The following BANP variants were observed in gnomAD, a reference collection of about 807,000 sequenced individuals.
The protein encoded by BANP is protein BANP.
A neutral mutation model predicts 68.1 loss-of-function variants in BANP; 11 were observed. That is an observed-to-expected ratio of 0.16 (90% confidence interval 0.10 to 0.27). BANP has a LOEUF of 0.27. Ranked by LOEUF, BANP falls within the 10% of genes least tolerant of loss-of-function variation. The probability of loss-of-function intolerance (pLI) is 1.00; values close to 1 mark genes in which losing one functional copy is unlikely to be tolerated. For synonymous variants in BANP, 329 were observed against 303.2 expected (o/e 1.09, Z -0.88); for missense variants, 504 against 722.7 (o/e 0.70, Z 3.47).
intron 4 of BANP, among the ~76,000 whole-genome samples, chr16:87,984,692 C>T (rs991047833): frequency 6.6e-6 from 1 of 152,230 alleles, no homozygotes; most frequent in African/African-American, 2.4e-5. Context: ...AAAGTAGAGT[C>T]TAATGAGTCT....
chr16:88,042,691 G>C (rs2081118154), intron 11 of BANP, among the ~76,000 whole-genome samples: 1 of 152,218 alleles, frequency 6.6e-6, no homozygotes. Flanking sequence ...GCTGAGGTGG[G>C]AGGATCGCTT....
At position 88,036,175 on chromosome 16, in the gene BANP, G is replaced by C. The variant is rs563774994; in HGVS notation, c.1272+781G>C. 6.6e-6 allele frequency among the ~76,000 whole-genome samples: 1 copy of C among 152,352 alleles called. No individual in the cohort carries two copies. Among genetic ancestry groups the C allele is most frequent in the East Asian group, 1.9e-4 (1 of 5,184 alleles). The stretch of plus-strand genomic sequence containing the variant: ...GCAGCACACACGTGTTGTACTCAGT[G>C]ACCGTGGTGCGCTCTGGGGGATGAG... On this transcript the variant is annotated intron_variant, in intron 10 of 13. Coordinates refer to ENST00000682872, the MANE Select transcript of BANP (RefSeq NM_001386991.1). This position sits in a 1 kb window ranked among gnomAD's most constrained non-coding sequence, Gnocchi z 4.2.
chr16:88,037,902 G>T, intron 10 of BANP, 71 bp from the exon 11 acceptor site: 2 of 1,471,700 alleles, frequency 1.4e-6, no homozygotes, highest in South Asian at 1.1e-5. Context: ...GTGTCTTGGC[G>T]TGTTTGCCGT....
chr16:87,966,444 A>C (rs1282394324), intron 1 of BANP, among the ~76,000 whole-genome samples: 1 of 152,242 alleles, frequency 6.6e-6, no homozygotes, highest in Non-Finnish European at 1.5e-5. Flanking sequence ...AATAGCAACC[A>C]CAGGCATTGC....
chr16:87,982,082 G>C (rs1275507084), intron 3 of BANP, among the ~76,000 whole-genome samples: 1 of 152,256 alleles, frequency 6.6e-6, no homozygotes, highest in African/African-American at 2.4e-5. Flanking sequence ...TAAATTGACT[G>C]TAAAATGCCT....
chr16:88,066,999 G>A (rs1389188840), intron 12 of BANP, among the ~76,000 whole-genome samples: 1 of 152,228 alleles, frequency 6.6e-6, no homozygotes, highest in Admixed American at 6.5e-5. Context: ...GAGGTACCAG[G>A]CAAATTATTT....
chr16:88,020,078 G>T (rs993063744), intron 7 of BANP, among the ~76,000 whole-genome samples: 5 of 152,196 alleles, frequency 3.3e-5, no homozygotes, highest in African/African-American at 9.7e-5. Context: ...GAGACCACAC[G>T]TGGGGCCTCC....
Position 88,004,719 on chromosome 16 carries a change from A to G in BANP, c.479+308A>G, listed in dbSNP as rs1330771975. 6.6e-6 allele frequency among the ~76,000 whole-genome samples: 1 copy of G among 152,016 alleles called. No individual in the cohort carries two copies. The highest frequency in any genetic ancestry group is 1.5e-5 in the Non-Finnish European group (1 of 67,998). ...AGTCTGTGAAAGCGTTCATCCTCCC[A>G]CCTAGCTCAGTGGTCCTCACGTCTG... On this transcript the variant is annotated intron_variant, in intron 5 of 13. Transcript: ENST00000682872. The surrounding 1 kb of genome is among the most constrained non-coding windows in gnomAD (Gnocchi z 7.0).
chr16:88,065,056 T>G (rs918118109), intron 11 of BANP, among the ~76,000 whole-genome samples: 1 of 152,230 alleles, frequency 6.6e-6, no homozygotes, highest in South Asian at 2.1e-4. Context: ...TTTGTTTCTG[T>G]TGTTTTTGCT....
At chr16:87,990,474 C>G (rs1402291563) in intron 4 of BANP, among the ~76,000 whole-genome samples, 1 of 152,152 alleles carries the variant, frequency 6.6e-6, no homozygotes, top group African/African-American at 2.4e-5. Flanking sequence ...CATCTCTGTT[C>G]TGGCACGGGA....
intron 7 of BANP, among the ~76,000 whole-genome samples, chr16:88,024,405 C>G (rs2076585045): frequency 6.6e-6 from 1 of 152,222 alleles, no homozygotes; most frequent in Non-Finnish European, 1.5e-5. Context: ...AAAAAAATGT[C>G]TGTCAAATAA....
At chr16:88,020,448 T>C (rs1429894985) in intron 7 of BANP, among the ~76,000 whole-genome samples, 1 of 152,226 alleles carries the variant, frequency 6.6e-6, no homozygotes, top group East Asian at 1.9e-4. Context: ...GCTGTGTGGA[T>C]CACAGTGTGG....
At chr16:87,953,472 T>C (rs1422241184) in intron 1 of BANP, among the ~76,000 whole-genome samples, 2 of 152,200 alleles carry the variant, frequency 1.3e-5, no homozygotes, top group African/African-American at 4.8e-5. Context: ...TAGTAGCCGC[T>C]AATACAGGTG....
At chr16:88,070,675 G>C (rs1293914998) in intron 12 of BANP, among the ~76,000 whole-genome samples, 1 of 152,206 alleles carries the variant, frequency 6.6e-6, no homozygotes, top group Non-Finnish European at 1.5e-5. Context: ...TGACAGGCCA[G>C]CACGTGGGGG....
chr16:87,951,220 G>A (rs1337408400), upstream of BANP, among the ~76,000 whole-genome samples: 4 of 152,236 alleles, frequency 2.6e-5, no homozygotes, highest in Non-Finnish European at 5.9e-5. Flanking sequence ...GGCCATGGGC[G>A]TGGGCGAAAA....
chr16:88,050,586 G>A (rs764302508), intron 11 of BANP, among the ~76,000 whole-genome samples: 1 of 152,182 alleles, frequency 6.6e-6, no homozygotes, highest in Non-Finnish European at 1.5e-5. Flanking sequence ...CAGACCTGGC[G>A]GAATTAGGAC....
intron 1 of BANP, among the ~76,000 whole-genome samples, chr16:87,955,227 CTCTG>C (rs1464273891): frequency 6.6e-6 from 1 of 151,552 alleles, no homozygotes; most frequent in African/African-American, 2.4e-5. Flanking sequence ...GTGCGGTGGG[CTCTG>C]TCTGCCAGAG....
At chr16:87,965,408 G>C (rs77687222) in intron 1 of BANP, among the ~76,000 whole-genome samples, 8 of 152,010 alleles carry the variant, frequency 5.3e-5, no homozygotes, top group African/African-American at 1.9e-4. Flanking sequence ...GGCTGGAGGG[G>C]CAGGAGGGAG....
In BANP at chr16:87,989,682, A is replaced by C. The variant is rs57685728; in HGVS notation, c.362+5423A>C. Among the ~76,000 whole-genome samples the C allele has an allele frequency of 8.9e-5, 2 of 22,550 alleles. 1 individual carries two copies. The highest frequency in any genetic ancestry group is 5.8e-4 in the African/African-American group (2 of 3,470). The allele number at this position is 22,550 out of a possible 152,430, so 14.8% of individuals were successfully genotyped here. On this transcript the variant is annotated intron_variant, in intron 4 of 13. Transcript: ENST00000682872. ...GGGATGCAGGCCCGCGTGGCTGCGCATATCCAGGACACAGGACACAGGGTG... is the reference window on the plus strand; with the variant it reads ...GGGATGCAGGCCCGCGTGGCTGCGCCTATCCAGGACACAGGACACAGGGTG...
Sources: allele counts gnomAD v4.1 joint callset (sites outside exome capture counted in the v4.1 genomes callset), GRCh38; gene constraint gnomAD v4.1.1; non-coding constraint Gnocchi (gnomAD v3.1); transcripts MANE v1.5; gene names NCBI Gene and HGNC (gene_info 2026-07-23, HGNC 2026-07-21).